Variants in AKAP9 observed in about 807,000 individuals in gnomAD.
The protein encoded by AKAP9 is A-kinase anchoring protein 9.
AKAP9 carries 311 observed loss-of-function variants against 488.5 expected under a neutral mutation model. The observed-to-expected ratio is 0.64, with a 90% CI of 0.58 to 0.70. The LOEUF (loss-of-function observed/expected upper bound fraction) is 0.70. AKAP9 is among the 30% of genes least tolerant of loss of function. AKAP9 has a pLI of 0.00. For synonymous variants in AKAP9, 1,462 were observed against 1,483.5 expected (o/e 0.99, Z 0.33); for missense variants, 4,215 against 4,374.5 (o/e 0.96, Z 1.03).
chr7:91,995,532 C>T (rs1476828351), intron 6 of AKAP9, 71 bp from the exon 7 acceptor site: 3 of 1,408,776 alleles, frequency 2.1e-6, no homozygotes, highest in Non-Finnish European at 3.0e-6. Flanking sequence ...TGCAGGGACA[C>T]CCCAAAGGTG....
intron 9 of AKAP9, among the ~76,000 whole-genome samples, chr7:92,012,961 G>A (rs1480508379): frequency 6.7e-6 from 1 of 148,392 alleles, no homozygotes; most frequent in East Asian, 2.0e-4. Flanking sequence ...GGTAGACAGT[G>A]GTGGGGTTGG....
At chr7:92,008,983 T>TA (rs58922447) in intron 8 of AKAP9, among the ~76,000 whole-genome samples, 52,800 of 130,574 alleles carry the variant, frequency 0.4, 10,502 homozygotes, top group African/African-American at 0.46. Context: ...AGACTCCATT[T>TA]AAAAAAAAAA....
intron 25 of AKAP9, among the ~76,000 whole-genome samples, chr7:92,065,700 G>A (rs1236407535): frequency 1.3e-5 from 2 of 152,108 alleles, no homozygotes; most frequent in African/African-American, 4.8e-5. Context: ...AATTATACAT[G>A]ATAAAAATTA....
chr7:91,983,756 A>C (rs1037154991), intron 3 of AKAP9, among the ~76,000 whole-genome samples: 3 of 152,218 alleles, frequency 2.0e-5, no homozygotes, highest in Non-Finnish European at 4.4e-5. Flanking sequence ...TCCCACAAAC[A>C]GTGTAAAACC....
chr7:92,080,476 T>C (rs1255674169), intron 31 of AKAP9, among the ~76,000 whole-genome samples: 1 of 151,944 alleles, frequency 6.6e-6, no homozygotes. Flanking sequence ...TGGGTGCCTG[T>C]AGTCCCAGCT....
chr7:91,961,253 G>T (rs549876300), intron 1 of AKAP9, among the ~76,000 whole-genome samples: 2 of 151,594 alleles, frequency 1.3e-5, no homozygotes, highest in Non-Finnish European at 2.9e-5. Flanking sequence ...TCCGCCTCCC[G>T]GGTTCAAGTG....
chr7:92,079,949 T>G lies in AKAP9; in HGVS notation c.7816T>G (p.Leu2606Val), dbSNP rs774041291. 34 of 1,598,016 alleles carry G rather than the reference T, an allele frequency of 2.1e-5. No homozygotes were observed. In the South Asian group the frequency reaches 3.3e-4, roughly 16 times the overall value. ...GGGGTCAGATATATCAGCATTAACC[T>G]TGAGAATATCAGAATTAGAAAGCCA... ...ELGSDISALT[L>V]RISELESQVV... Residue 2606 changes from leucine (L) to valine (V), a missense_variant, in exon 31 of 50, where the codon TTG becomes GTG. This residue lies in a region of AKAP9 where 1,476 missense variants were observed against 1,477.4 expected (regional missense o/e 1.00). Coordinates refer to ENST00000356239, the MANE Select transcript of AKAP9 (RefSeq NM_005751.5).
At chr7:92,016,612 G>T (rs1307920993) in intron 11 of AKAP9, among the ~76,000 whole-genome samples, 1 of 151,652 alleles carries the variant, frequency 6.6e-6, no homozygotes, top group African/African-American at 2.4e-5. Context: ...AATGGTTTTT[G>T]CTTTAAAATG....
intron 20 of AKAP9, chr7:92,043,055 T>C (rs918470176): frequency 1.6e-5 from 4 of 243,754 alleles, no homozygotes; most frequent in Non-Finnish European, 2.4e-5. Flanking sequence ...AACTTTTCCT[T>C]ACTTTGATTT....
intron 22 of AKAP9, among the ~76,000 whole-genome samples, chr7:92,058,622 C>T (rs1337123529): frequency 6.6e-6 from 1 of 151,954 alleles, no homozygotes; most frequent in Non-Finnish European, 1.5e-5. Flanking sequence ...TTACATTTCT[C>T]CAATGCCAGG....
chr7:92,068,722 CT>C (rs530373940), intron 26 of AKAP9, among the ~76,000 whole-genome samples: 6 of 150,456 alleles, frequency 4.0e-5, no homozygotes, highest in African/African-American at 1.2e-4. Context: ...TTTTTTTTTC[CT>C]TTTTTTTCTT....
chr7:91,963,481 GTCAC>G (rs1280683627), intron 1 of AKAP9, among the ~76,000 whole-genome samples: 2 of 115,640 alleles, frequency 1.7e-5, no homozygotes, highest in African/African-American at 6.8e-5. Flanking sequence ...TAACATATTT[GTCAC>G]ACACACACAC....
At position 92,014,356 on chromosome 7, in the gene AKAP9, C is replaced by A. The variant is rs376754409; in HGVS notation, c.3612+28C>A. On this transcript the variant is annotated intron_variant, in intron 10 of 49. Coordinates refer to ENST00000356239, the MANE Select transcript of AKAP9 (RefSeq NM_005751.5). ...AAAATGTTTAAAAGTACTTTTATGG[C>A]CAGATGTGGTGGCTGACACTTATAA... 2.7e-5 allele frequency: 41 copies of A among 1,491,066 alleles called. No homozygotes were observed. The South Asian group carries it at 4.3e-4, about 15-fold the overall frequency. The allele number at this position is 1,491,066 out of a possible 1,614,324, so 92.4% of individuals were successfully genotyped here. A position where few individuals can be genotyped will look rare whatever the true frequency, so the allele number is the denominator to read the frequency against.
intron 1 of AKAP9, among the ~76,000 whole-genome samples, chr7:91,950,761 G>A (rs1240731826): frequency 6.6e-6 from 1 of 152,104 alleles, no homozygotes; most frequent in African/African-American, 2.4e-5. Flanking sequence ...TAAATTAGTA[G>A]ATCTTCTTCT....
intron 21 of AKAP9, among the ~76,000 whole-genome samples, chr7:92,049,456 A>C (rs1807540066): frequency 6.6e-6 from 1 of 151,890 alleles, no homozygotes. Flanking sequence ...CTAAAAATAC[A>C]AAAAATTAGC....
intron 3 of AKAP9, among the ~76,000 whole-genome samples, chr7:91,980,699 C>CT (rs1044362871): frequency 1.3e-5 from 2 of 151,244 alleles, no homozygotes; most frequent in Non-Finnish European, 3.0e-5. Context: ...TTGAGTAATG[C>CT]TTTTTTATAA....
In AKAP9 at chr7:92,089,370, C is replaced by T; in HGVS notation, c.9214-15C>T. The T allele has an allele frequency of 6.2e-7, 1 of 1,610,380 alleles. No individual in the cohort carries two copies. Among genetic ancestry groups the T allele is most frequent in the Non-Finnish European group, 8.5e-7 (1 of 1,179,116 alleles). Reference sequence around the variant, plus strand: ...ACATTGCTCTTCACTTGTTTTTTACCTTCCTTTGTTACAGGGTGTTGAATA... The same window carrying T: ...ACATTGCTCTTCACTTGTTTTTTACTTTCCTTTGTTACAGGGTGTTGAATA... On this transcript the variant is annotated splice_polypyrimidine_tract_variant and intron_variant, in intron 37 of 49. Coordinates refer to ENST00000356239, the MANE Select transcript of AKAP9 (RefSeq NM_005751.5).
At chr7:92,012,711 A>AT (rs951637527) in intron 9 of AKAP9, 69 bp downstream of exon 9, 9 of 1,345,362 alleles carry the variant, frequency 6.7e-6, no homozygotes, top group African/African-American at 4.4e-5. Context: ...CCATTCTATA[A>AT]TTTTTTCCTT....
At chr7:92,071,251 T>G (rs1474431626) in intron 28 of AKAP9, among the ~76,000 whole-genome samples, 3 of 152,068 alleles carry the variant, frequency 2.0e-5, no homozygotes, top group Non-Finnish European at 4.4e-5. Flanking sequence ...AGGACGAAGT[T>G]CGGAGGAACA....
Sources: allele counts gnomAD v4.1 joint callset (sites outside exome capture counted in the v4.1 genomes callset), GRCh38; gene constraint gnomAD v4.1.1; regional missense constraint gnomAD v4.1.1; transcripts MANE v1.5; gene names NCBI Gene and HGNC (gene_info 2026-07-23, HGNC 2026-07-21).